STAT4: variants seen among roughly 807,000 people sequenced by gnomAD.
STAT4 encodes the protein signal transducer and activator of transcription 4.
STAT4 carries 42 observed loss-of-function variants against 110.5 expected under a neutral mutation model. That is an observed-to-expected ratio of 0.38 (90% CI 0.30 to 0.49). The LOEUF is 0.49. Ranked by LOEUF, STAT4 falls within the 20% of genes least tolerant of loss-of-function variation. The pLI is 0.95. For synonymous variants in STAT4, 284 were observed against 302.2 expected (o/e 0.94, Z 0.63); for missense variants, 632 against 887.9 (o/e 0.71, Z 3.66).
intron 16 of STAT4, among the ~76,000 whole-genome samples, chr2:191,038,025 G>A (rs1240937516): frequency 1.3e-5 from 2 of 152,146 alleles, no homozygotes; most frequent in Non-Finnish European, 2.9e-5. Context: ...TGGGTGTGAC[G>A]ACTTTGGTGC....
intron 3 of STAT4, among the ~76,000 whole-genome samples, chr2:191,122,329 A>G (rs1397488071): frequency 8.2e-5 from 2 of 24,388 alleles, no homozygotes; most frequent in Non-Finnish European, 2.2e-4. Flanking sequence ...ATAAAAATGA[A>G]AAAAAAAAAA....
At position 191,086,103 on chromosome 2, in the gene STAT4, C is replaced by G. The variant is rs540069174; in HGVS notation, c.274-9778G>C. Among the ~76,000 whole-genome samples, 5 of 152,128 alleles carry G rather than the reference C, an allele frequency of 3.3e-5. No homozygotes were observed. Among genetic ancestry groups the G allele is most frequent in the Non-Finnish European group, 7.4e-5 (5 of 68,020 alleles). ...ATCTCTTTTCTTCTGTAAGAGGACA[C>G]ACTGAAGACACTGGCTATTTTACCA... is the stretch of plus-strand genomic sequence containing the variant. On this transcript the variant is annotated intron_variant, in intron 3 of 23. Transcript: ENST00000392320. The surrounding 1 kb of genome is among the most constrained non-coding windows in gnomAD (Gnocchi z 5.5).
rs367663277 is a variant in STAT4, at chr2:191,108,106, C to G, written c.274-31781G>C. On this transcript the variant is annotated intron_variant, in intron 3 of 23. Coordinates refer to ENST00000392320, the MANE Select transcript of STAT4 (RefSeq NM_003151.4). ...AGGAGTTCAAGACCAGCCAGGTCAA[C>G]ATGGCGAAACCCCATCTCTACTAAA... Among the ~76,000 whole-genome samples, 8 of 152,170 alleles carry G rather than the reference C, an allele frequency of 5.3e-5. No homozygotes were observed. The East Asian group carries it at 1.4e-3, about 26-fold the overall frequency.
intron 3 of STAT4, among the ~76,000 whole-genome samples, chr2:191,092,513 TAA>T (rs71030322): frequency 5.4e-4 from 77 of 143,118 alleles, no homozygotes; most frequent in Admixed American, 4.9e-4. Context: ...GTGCTACAGT[TAA>T]AAAAAAAAAA....
chr2:191,033,006 G>C lies in STAT4; in HGVS notation c.1996C>G (p.Pro666Ala), dbSNP rs1695942153. 5.6e-6 allele frequency: 9 copies of C among 1,614,080 alleles called. No individual in the cohort carries two copies. The highest frequency in any genetic ancestry group is 1.3e-5 in the African/African-American group (1 of 74,916). Residue 666 changes from proline to alanine, a missense_variant, in exon 21 of 24, where the codon CCC becomes GCC. Pro to Ala is a conservative substitution (Grantham distance 27). Transcript: ENST00000392320. This position sits in a 1 kb window ranked among gnomAD's most constrained non-coding sequence, Gnocchi z 6.9. ...TGTTTACCGAAGGCTTTGTCTTTGG[G>C]AATGTCAGGATATAGGTACTTCAGA... The part of the protein sequence containing the change: ...NPLKYLYPDI[P>A]KDKAFGKHYS...
chr2:191,106,894 G>A (rs1290994815), intron 3 of STAT4, among the ~76,000 whole-genome samples: 1 of 152,008 alleles, frequency 6.6e-6, no homozygotes, highest in Non-Finnish European at 1.5e-5. Context: ...GTTTTCATAA[G>A]GTAATATTTC....
rs1349046004 is a variant in STAT4 at position 191,050,469 on chromosome 2, A to C, written c.1251+4021T>G. 6.6e-6 allele frequency among the ~76,000 whole-genome samples: 1 copy of C among 152,214 alleles called. No homozygotes were observed. Among genetic ancestry groups the C allele is most frequent in the African/African-American group, 2.4e-5 (1 of 41,448 alleles). On this transcript the variant is annotated intron_variant, in intron 14 of 23. Coordinates refer to ENST00000392320, the MANE Select transcript of STAT4 (RefSeq NM_003151.4). The surrounding 1 kb of genome is among the most constrained non-coding windows in gnomAD (Gnocchi z 4.3). Reference sequence around the variant, plus strand: ...AGGAATGTTGTGAAATTCCAAAGCAAATTCTTAAAGTTAAATTCATTTTTA... The same window carrying C: ...AGGAATGTTGTGAAATTCCAAAGCACATTCTTAAAGTTAAATTCATTTTTA...
rs928262331 is a variant in STAT4 at position 191,104,341 on chromosome 2, G to C, written c.274-28016C>G. On this transcript the variant is annotated intron_variant, in intron 3 of 23. Transcript: ENST00000392320. The surrounding 1 kb of genome is among the most constrained non-coding windows in gnomAD (Gnocchi z 4.3). ...ATAAAGAAGTTAAACTAATGAATTA[G>C]TTTTTCCCACGTTTAGTTCTCACTA... 9.9e-5 allele frequency among the ~76,000 whole-genome samples: 15 copies of C among 151,988 alleles called. No individual in the cohort carries two copies. Among genetic ancestry groups the C allele is most frequent in the African/African-American group, 3.4e-4 (14 of 41,382 alleles).
chr2:191,076,014 T>A, intron 4 of STAT4: 1 of 492,924 alleles, frequency 2.0e-6, no homozygotes, highest in Non-Finnish European at 3.7e-6. Flanking sequence ...CATAGCCAAC[T>A]AATTTTTAAT....
At chr2:191,098,451 A>T (rs1698067047) in intron 3 of STAT4, among the ~76,000 whole-genome samples, 1 of 152,222 alleles carries the variant, frequency 6.6e-6, no homozygotes, top group African/African-American at 2.4e-5. Context: ...GGATGAGTTC[A>T]TGTCCTTTGC....
intron 3 of STAT4, among the ~76,000 whole-genome samples, chr2:191,123,254 G>T (rs746360895): frequency 6.6e-6 from 1 of 152,162 alleles, no homozygotes. Flanking sequence ...CAGAGCTCCT[G>T]ACTTAGCTCC....
In STAT4 at chr2:191,138,486, C is replaced by T. The variant is rs545654149; in HGVS notation, c.273+8127G>A. Among the ~76,000 whole-genome samples the T allele has an allele frequency of 1.5e-4, 23 of 152,156 alleles. No individual in the cohort carries two copies. Among genetic ancestry groups the T allele is most frequent in the African/African-American group, 5.1e-4 (21 of 41,528 alleles). Reference sequence around the variant, plus strand: ...AGGCTATTATGAACACTTTTATGTGCACAAACTAGGAAATCTAGAGGAGAT... The same window carrying T: ...AGGCTATTATGAACACTTTTATGTGTACAAACTAGGAAATCTAGAGGAGAT... On this transcript the variant is annotated intron_variant, in intron 3 of 23. Coordinates refer to ENST00000392320, the MANE Select transcript of STAT4 (RefSeq NM_003151.4). The surrounding 1 kb of genome is among the most constrained non-coding windows in gnomAD (Gnocchi z 4.3).
chr2:191,136,090 T>C lies in STAT4; in HGVS notation c.273+10523A>G, dbSNP rs114961972. On this transcript the variant is annotated intron_variant, in intron 3 of 23. Coordinates refer to ENST00000392320, the MANE Select transcript of STAT4 (RefSeq NM_003151.4). ...AGGGATGCAAGGATGGTTCAACATATGCAAATCAGTAAACATGATAAATCA... is the reference window on the plus strand; with the variant it reads ...AGGGATGCAAGGATGGTTCAACATACGCAAATCAGTAAACATGATAAATCA... Among the ~76,000 whole-genome samples, 720 of 149,322 alleles carry C rather than the reference T, an allele frequency of 4.8e-3. 5 individuals carry two copies. Among genetic ancestry groups the C allele is most frequent in the Middle Eastern group, 0.024 (7 of 286 alleles).
rs1559066815 is a variant in STAT4 at position 191,099,353 on chromosome 2, T to C, written c.274-23028A>G. Reference sequence around the variant, plus strand: ...ATATTTTGACTAGCAAGTCCATATCTAGGAATCCATCCAATAAAAATAAAA... The same window carrying C: ...ATATTTTGACTAGCAAGTCCATATCCAGGAATCCATCCAATAAAAATAAAA... On this transcript the variant is annotated intron_variant, in intron 3 of 23. Transcript: ENST00000392320. The surrounding 1 kb of genome is among the most constrained non-coding windows in gnomAD (Gnocchi z 4.1). Among the ~76,000 whole-genome samples, 1 of 152,120 alleles carries C rather than the reference T, an allele frequency of 6.6e-6. No individual in the cohort carries two copies. Among genetic ancestry groups the C allele is most frequent in the Non-Finnish European group, 1.5e-5 (1 of 67,986 alleles).
rs1056651509 is a variant in STAT4 at position 191,059,584 on chromosome 2, T to C, written c.1035-815A>G. Among the ~76,000 whole-genome samples, 3 of 152,184 alleles carry C rather than the reference T, an allele frequency of 2.0e-5. No individual in the cohort carries two copies. Among genetic ancestry groups the C allele is most frequent in the Non-Finnish European group, 4.4e-5 (3 of 68,030 alleles). On this transcript the variant is annotated intron_variant, in intron 10 of 23. Coordinates refer to ENST00000392320, the MANE Select transcript of STAT4 (RefSeq NM_003151.4). This position sits in a 1 kb window ranked among gnomAD's most constrained non-coding sequence, Gnocchi z 4.7. ...AGTACACCCTTAGGTACTAGAGAAC[T>C]GATGTAGCAAAGACTGCAGAAGGGA... is the stretch of plus-strand genomic sequence containing the variant.
chr2:191,151,019 G>C, upstream of STAT4: 1 of 985,618 alleles, frequency 1.0e-6, no homozygotes, highest in Non-Finnish European at 1.2e-6. This position sits in a 1 kb window ranked among gnomAD's most constrained non-coding sequence, Gnocchi z 4.7. Flanking sequence ...CAGTCCCTAG[G>C]AGAAAGCCGC....
In STAT4 at chr2:191,061,355, G is replaced by T. The variant is rs144973093; in HGVS notation, c.1034+374C>A. 6.6e-6 allele frequency among the ~76,000 whole-genome samples: 1 copy of T among 151,998 alleles called. No homozygotes were observed. The highest frequency in any genetic ancestry group is 2.4e-5 in the African/African-American group (1 of 41,370). ...ATTCTGTCTCTTCCCTGCTCCCCAC[G>T]ATTACCAGACAGAGCCAGGAAGCCA... On this transcript the variant is annotated intron_variant, in intron 10 of 23. Coordinates refer to ENST00000392320, the MANE Select transcript of STAT4 (RefSeq NM_003151.4). The surrounding 1 kb of genome is among the most constrained non-coding windows in gnomAD (Gnocchi z 6.2).
At position 191,029,789 on chromosome 2, in the gene STAT4, C is replaced by T; in HGVS notation, c.*51G>A. 1.3e-6 allele frequency: 2 copies of T among 1,554,120 alleles called. No individual in the cohort carries two copies. Among genetic ancestry groups the T allele is most frequent in the Non-Finnish European group, 1.8e-6 (2 of 1,134,450 alleles). ...ATGTGGTTATTGGGCAAAGAACAGT[C>T]TTTAAACTTTTTCATTTGCTTCCTT... On this transcript the variant is annotated 3_prime_UTR_variant, in exon 24 of 24. Transcript: ENST00000392320. The surrounding 1 kb of genome is among the most constrained non-coding windows in gnomAD (Gnocchi z 4.5).
In STAT4 at chr2:191,147,271, C is replaced by T. The variant is rs747911051; in HGVS notation, c.129-514G>A. On this transcript the variant is annotated intron_variant, in intron 2 of 23. Coordinates refer to ENST00000392320, the MANE Select transcript of STAT4 (RefSeq NM_003151.4). This position sits in a 1 kb window ranked among gnomAD's most constrained non-coding sequence, Gnocchi z 4.1. Reference sequence around the variant, plus strand: ...CAACCCAAATGTCCATTGACAGATACATTTATAAAACAAAATGTGATATAT... The same window carrying T: ...CAACCCAAATGTCCATTGACAGATATATTTATAAAACAAAATGTGATATAT... 2.0e-5 allele frequency among the ~76,000 whole-genome samples: 3 copies of T among 152,062 alleles called. No individual in the cohort carries two copies. The highest frequency in any genetic ancestry group is 2.9e-5 in the Non-Finnish European group (2 of 67,996).
Sources: allele counts gnomAD v4.1 joint callset (sites outside exome capture counted in the v4.1 genomes callset), GRCh38; gene constraint gnomAD v4.1.1; non-coding constraint Gnocchi (gnomAD v3.1); transcripts MANE v1.5; gene names NCBI Gene and HGNC (gene_info 2026-07-23, HGNC 2026-07-21).